The following UGT3A1 variants were observed in gnomAD, a reference collection of about 807,000 sequenced individuals.
UGT3A1 encodes the protein UDP-glycosyltransferase 3A1.
A neutral mutation model predicts 37.6 loss-of-function variants in UGT3A1; 40 were observed. The observed-to-expected ratio is 1.06, with a 90% CI of 0.83 to 1.38. The LOEUF (loss-of-function observed/expected upper bound fraction) is 1.38, where lower values mean the gene tolerates loss of function less well. Among genes scored for constraint, UGT3A1 ranks in the 40% most tolerant of loss-of-function variants. The probability of loss-of-function intolerance (pLI) is 0.00; values close to 1 mark genes in which losing one functional copy is unlikely to be tolerated. For synonymous variants in UGT3A1, 256 were observed against 232.3 expected (o/e 1.10, Z -0.93); for missense variants, 642 against 634.2 (o/e 1.01, Z -0.13).
At chr5:35,958,852 T>G (rs1250607010) in intron 4 of UGT3A1, among the ~76,000 whole-genome samples, 1 of 152,230 alleles carries the variant, frequency 6.6e-6, no homozygotes, top group Non-Finnish European at 1.5e-5. Context: ...GTTGGCTACT[T>G]AGTGACTGGT....
intron 6 of UGT3A1, chr5:35,954,768 T>TACTAAA (rs1347580986): frequency 3.3e-5 from 14 of 422,330 alleles, no homozygotes; most frequent in Non-Finnish European, 6.0e-5. Flanking sequence ...AGGATGCTTA[T>TACTAAA]GGTATACTAA....
intron 3 of UGT3A1, among the ~76,000 whole-genome samples, chr5:35,966,996 T>C (rs576119147): frequency 6.6e-6 from 1 of 152,320 alleles, no homozygotes; most frequent in African/African-American, 2.4e-5. Flanking sequence ...ATAAATTCAA[T>C]ATATACAGTA....
At chr5:35,963,405 T>G (rs700162) in intron 4 of UGT3A1, among the ~76,000 whole-genome samples, 54,048 of 152,014 alleles carry the variant, frequency 0.36, 11,277 homozygotes, top group East Asian at 0.75. Flanking sequence ...AGGGGCTGCA[T>G]GTATCTTGTT....
chr5:35,999,037 C>T (rs1326805631), intron 1 of UGT3A1, among the ~76,000 whole-genome samples: 1 of 151,978 alleles, frequency 6.6e-6, no homozygotes, highest in African/African-American at 2.4e-5. Context: ...GAGATTGAGA[C>T]CACCCCGGCT....
chr5:35,991,294 G>T lies in UGT3A1; in HGVS notation c.-54C>A. ...AGCCTGGGCTGCGCGCCCTGCGCCG[G>T]GCTAAGGACTCTGTGCGCGCCTCAG... On this transcript the variant is annotated 5_prime_UTR_variant, in exon 1 of 7. Coordinates refer to ENST00000274278, the MANE Select transcript of UGT3A1 (RefSeq NM_152404.4). 6.2e-7 allele frequency: 1 copy of T among 1,610,698 alleles called. No individual in the cohort carries two copies. The highest frequency in any genetic ancestry group is 1.1e-5 in the South Asian group (1 of 90,574).
chr5:35,962,711 A>T, intron 4 of UGT3A1: 2 of 585,224 alleles, frequency 3.4e-6, no homozygotes, highest in Non-Finnish European at 6.1e-6. Flanking sequence ...ATGGTATCAC[A>T]ATGAATGGTT....
upstream of UGT3A1, among the ~76,000 whole-genome samples, chr5:35,992,434 T>C (rs1366539904): frequency 6.6e-6 from 1 of 151,836 alleles, no homozygotes; most frequent in African/African-American, 2.4e-5. Flanking sequence ...GGGGGGAAGG[T>C]TTACCAGGCT....
At chr5:35,991,030 G>T (rs777080969) in intron 1 of UGT3A1, 117 bp downstream of exon 1, 14 of 1,603,516 alleles carry the variant, frequency 8.7e-6, no homozygotes, top group East Asian at 2.2e-5. Context: ...AGCCAGGTCC[G>T]CAAGCCCAGC....
rs1254719000 is a variant in UGT3A1, at chr5:35,953,399, A to T, written c.*803T>A. ...CTTCTGTTCCTAGCAGATTAAGGTA[A>T]TCTCTAAGGTTTTACCATATAGAAG... On this transcript the variant is annotated 3_prime_UTR_variant, in exon 7 of 7. Coordinates refer to ENST00000274278, the MANE Select transcript of UGT3A1 (RefSeq NM_152404.4). The T allele has an allele frequency of 6.6e-6, 1 of 152,310 alleles. No individual in the cohort carries two copies. Among genetic ancestry groups the T allele is most frequent in the African/African-American group, 2.4e-5 (1 of 41,452 alleles). The allele number at this position is 152,310 out of a possible 1,614,324, so 9.4% of individuals were successfully genotyped here. A position where few individuals can be genotyped will look rare whatever the true frequency, so the allele number is the denominator to read the frequency against.
chr5:35,981,834 T>C (rs1740535412), intron 2 of UGT3A1, among the ~76,000 whole-genome samples: 1 of 152,226 alleles, frequency 6.6e-6, no homozygotes, highest in Non-Finnish European at 1.5e-5. Context: ...AGAGAGTTCA[T>C]GGCAGCCCCT....
upstream of UGT3A1, among the ~76,000 whole-genome samples, chr5:35,993,076 A>G (rs1204957736): frequency 6.6e-6 from 1 of 152,124 alleles, no homozygotes; most frequent in African/African-American, 2.4e-5. Context: ...ACATAAATGC[A>G]TATCTGCCCA....
intron 2 of UGT3A1, among the ~76,000 whole-genome samples, chr5:35,987,099 C>T (rs945572847): frequency 9.2e-5 from 14 of 152,094 alleles, no homozygotes; most frequent in Non-Finnish European, 1.6e-4. Context: ...AAAAAACCTA[C>T]ACTTCTTCAG....
intron 2 of UGT3A1, among the ~76,000 whole-genome samples, chr5:35,971,951 G>C (rs1235868175): frequency 6.6e-6 from 1 of 152,072 alleles, no homozygotes; most frequent in Non-Finnish European, 1.5e-5. Flanking sequence ...TAAGTGTGAG[G>C]TTTCCTGCTG....
chr5:35,955,905 A>G, intron 5 of UGT3A1, 41 bp from the exon 6 acceptor site: 1 of 1,596,486 alleles, frequency 6.3e-7, no homozygotes. Flanking sequence ...TTCAGGATGA[A>G]AAATTTTGGA....
chr5:35,988,019 G>A (rs913725004), intron 2 of UGT3A1, among the ~76,000 whole-genome samples: 3 of 152,098 alleles, frequency 2.0e-5, no homozygotes, highest in African/African-American at 7.2e-5. Flanking sequence ...TAATTAAGAG[G>A]CTCCCTGGGA....
rs1739249312 is a variant in UGT3A1 at position 35,953,792 on chromosome 5, A to T, written c.*410T>A. ...GAGGAGAGCTTATAGGAAGGGCAAGATATCTGCATAAAATGGAAGAATTTG... is the reference window on the plus strand; with the variant it reads ...GAGGAGAGCTTATAGGAAGGGCAAGTTATCTGCATAAAATGGAAGAATTTG... On this transcript the variant is annotated 3_prime_UTR_variant, in exon 7 of 7. Coordinates refer to ENST00000274278, the MANE Select transcript of UGT3A1 (RefSeq NM_152404.4). 5.7e-6 allele frequency: 1 copy of T among 176,942 alleles called. No homozygotes were observed. The highest frequency in any genetic ancestry group is 2.4e-5 in the African/African-American group (1 of 42,066). The allele number at this position is 176,942 out of a possible 1,614,324, so 11.0% of individuals were successfully genotyped here.
intron 4 of UGT3A1, among the ~76,000 whole-genome samples, chr5:35,964,128 T>A (rs1259907159): frequency 2.6e-5 from 4 of 152,186 alleles, no homozygotes; most frequent in African/African-American, 9.7e-5. Context: ...TATAAATATT[T>A]GTCCACAATT....
chr5:35,965,179 A>G (rs1739748186), intron 4 of UGT3A1, among the ~76,000 whole-genome samples: 1 of 152,214 alleles, frequency 6.6e-6, no homozygotes, highest in Admixed American at 6.5e-5. Context: ...AGCCAATTTA[A>G]GGAGATCTCT....
At chr5:35,962,841 G>T in intron 4 of UGT3A1, 1 of 701,684 alleles carries the variant, frequency 1.4e-6, no homozygotes, top group Non-Finnish European at 2.6e-6. Flanking sequence ...GGATACACAG[G>T]CTAGGAGGTG....
Sources: gnomAD v4.1 joint callset for allele counts (sites outside exome capture counted in the v4.1 genomes callset) on GRCh38, gnomAD v4.1.1 for gene constraint, MANE v1.5 for transcripts, NCBI Gene and HGNC (gene_info 2026-07-23, HGNC 2026-07-21) for gene names.